Variants in PI4KA observed in about 807,000 individuals in gnomAD.
The protein encoded by PI4KA is phosphatidylinositol 4-kinase alpha.
In PI4KA, 122 loss-of-function variants were observed where a neutral mutation model predicts 271.4. The ratio of observed to expected loss-of-function variants is 0.45; its 90% CI spans 0.39 to 0.52. The LOEUF (loss-of-function observed/expected upper bound fraction) is 0.52, where lower values mean the gene tolerates loss of function less well. Ranked by LOEUF, PI4KA falls within the 20% of genes least tolerant of loss-of-function variation. The pLI, the probability that PI4KA is intolerant of heterozygous loss-of-function variation, is 0.00. For synonymous variants in PI4KA, 1,041 were observed against 1,078.8 expected (o/e 0.96, Z 0.69); for missense variants, 1,969 against 2,769.1 (o/e 0.71, Z 6.48).
intron 9 of PI4KA, among the ~76,000 whole-genome samples, chr22:20,807,723 T>A (rs1436030472): frequency 6.6e-6 from 1 of 152,134 alleles, no homozygotes; most frequent in Non-Finnish European, 1.5e-5. Flanking sequence ...CTCCTTGCTG[T>A]GGCTGAAGCT....
intron 37 of PI4KA, 72 bp from the exon 38 acceptor site, chr22:20,729,783 G>A (rs1927796112): frequency 2.5e-6 from 4 of 1,580,834 alleles, no homozygotes; most frequent in South Asian, 2.3e-5. Context: ...TAAACCTAGA[G>A]GAAGCTTGCA....
At chr22:20,829,595 T>G (rs1045757552) in intron 3 of PI4KA, among the ~76,000 whole-genome samples, 2 of 150,446 alleles carry the variant, frequency 1.3e-5, no homozygotes, top group Non-Finnish European at 3.0e-5. Context: ...TTTTTTTTTA[T>G]TCAAAAAACC....
intron 17 of PI4KA, 62 bp from the exon 18 acceptor site, chr22:20,796,376 C>T (rs1389924620): frequency 1.3e-6 from 2 of 1,508,602 alleles, no homozygotes; most frequent in Non-Finnish European, 1.8e-6. Context: ...CAAGGGACGG[C>T]ACTGCAGGGG....
chr22:20,809,375 A>C (rs1467206325), intron 9 of PI4KA, among the ~76,000 whole-genome samples: 1 of 152,186 alleles, frequency 6.6e-6, no homozygotes, highest in African/African-American at 2.4e-5. Flanking sequence ...TGGTTATTAC[A>C]CTGATTATGG....
In PI4KA at chr22:20,765,579, C is replaced by T. The variant is rs200009013; in HGVS notation, c.2437+6G>A. 6 of 1,569,410 alleles carry T rather than the reference C, an allele frequency of 3.8e-6. No individual in the cohort carries two copies. In the East Asian group the frequency reaches 1.4e-4, roughly 36 times the overall value. ...GTCTTCACTGGGAGAGAGATGATCC[C>T]CCTACCTGAGCCCTCCACAGCGAAT... On this transcript the variant is annotated splice_donor_region_variant and intron_variant, in intron 20 of 54. Transcript: ENST00000255882.
At chr22:20,811,332 C>T (rs983243029) in intron 8 of PI4KA, among the ~76,000 whole-genome samples, 1 of 152,142 alleles carries the variant, frequency 6.6e-6, no homozygotes, top group African/African-American at 2.4e-5. Flanking sequence ...AGACCTCAGG[C>T]CTTGCTGCCA....
intron 28 of PI4KA, among the ~76,000 whole-genome samples, chr22:20,748,126 C>T (rs1930307302): frequency 6.6e-6 from 1 of 152,182 alleles, no homozygotes; most frequent in East Asian, 1.9e-4. Flanking sequence ...TGGGTCTGCC[C>T]CTCCCTAACT....
intron 42 of PI4KA, among the ~76,000 whole-genome samples, chr22:20,722,775 G>T (rs1926893446): frequency 6.6e-6 from 1 of 152,158 alleles, no homozygotes; most frequent in African/African-American, 2.4e-5. Context: ...GGACATTTTT[G>T]ACCTGGGTGA....
chr22:20,763,844 G>A (rs745496889), intron 22 of PI4KA, among the ~76,000 whole-genome samples: 7 of 152,192 alleles, frequency 4.6e-5, no homozygotes, highest in Non-Finnish European at 7.3e-5. Flanking sequence ...GGCTGTGTGT[G>A]GAGCCCCGGG....
chr22:20,839,077 C>T (rs5752086), intron 1 of PI4KA, among the ~76,000 whole-genome samples: 10,580 of 152,156 alleles, frequency 0.07, 356 homozygotes, highest in East Asian at 0.079. Flanking sequence ...ATTAGCCAGG[C>T]GTGGTGGCGC....
Position 20,811,040 on chromosome 22 carries a change from G to T in PI4KA, c.1006-8C>A. The T allele has an allele frequency of 6.2e-7, 1 of 1,609,482 alleles. No homozygotes were observed. Among genetic ancestry groups the T allele is most frequent in the South Asian group, 1.1e-5 (1 of 90,958 alleles). ...CTCAACGATCTTCTTCACCTACCAA[G>T]GAAACAGAACCTCATGAAGCAACTG... On this transcript the variant is annotated splice_region_variant and splice_polypyrimidine_tract_variant and intron_variant, in intron 8 of 54. Transcript: ENST00000255882.
At chr22:20,731,800 G>C (rs971086509) in intron 36 of PI4KA, among the ~76,000 whole-genome samples, 9 of 152,060 alleles carry the variant, frequency 5.9e-5, no homozygotes, top group Non-Finnish European at 1.2e-4. Context: ...GTGGTAGCGA[G>C]CGCCTGTAGT....
At chr22:20,749,684 G>A (rs1031718316) in intron 28 of PI4KA, among the ~76,000 whole-genome samples, 3 of 152,240 alleles carry the variant, frequency 2.0e-5, no homozygotes, top group Non-Finnish European at 2.9e-5. Flanking sequence ...GGTGTGAGCC[G>A]TCAGATGCCC....
chr22:20,796,105 T>C (rs745593312), intron 18 of PI4KA, 41 bp downstream of exon 18: 28 of 1,578,308 alleles, frequency 1.8e-5, no homozygotes, highest in Non-Finnish European at 2.3e-5. Flanking sequence ...CCAGCAGGGA[T>C]AGGACACTGA....
chr22:20,709,847 G>A (rs1925017188), intron 53 of PI4KA, 61 bp downstream of exon 53: 1 of 923,612 alleles, frequency 1.1e-6, no homozygotes, highest in African/African-American at 1.7e-5. Flanking sequence ...TATCTTGGAT[G>A]GAGCCTCAGC....
Position 20,784,234 on chromosome 22 carries a change from C to G in PI4KA, c.2328+8959G>C, listed in dbSNP as rs937181724. ...GGGTGGTGGAGAGATGGCAAAAAAGCATGACAAACAGGTATTTCACACTGT... is the reference window on the plus strand; with the variant it reads ...GGGTGGTGGAGAGATGGCAAAAAAGGATGACAAACAGGTATTTCACACTGT... On this transcript the variant is annotated intron_variant, in intron 19 of 54. Coordinates refer to ENST00000255882, the MANE Select transcript of PI4KA (RefSeq NM_058004.4). The G allele has an allele frequency of 1.9e-6, 3 of 1,614,010 alleles. No individual in the cohort carries two copies. The highest frequency in any genetic ancestry group is 3.3e-5 in the Admixed American group (2 of 59,992).
chr22:20,853,482 G>A (rs1162731589), intron 1 of PI4KA, among the ~76,000 whole-genome samples: 1 of 152,194 alleles, frequency 6.6e-6, no homozygotes, highest in Non-Finnish European at 1.5e-5. Flanking sequence ...GAAGCCAACT[G>A]TATATGGAGA....
At position 20,786,817 on chromosome 22, in the gene PI4KA, G is replaced by A. The variant is rs575183180; in HGVS notation, c.2328+6376C>T. ...CCTGAATGATATGAGATTGTGCTGG[G>A]AACTCTAGCCCTCTGTGTGCTGACC... On this transcript the variant is annotated intron_variant, in intron 19 of 54. Transcript: ENST00000255882. 5.9e-6 allele frequency: 9 copies of A among 1,514,142 alleles called. No individual in the cohort carries two copies. In the Admixed American group the frequency reaches 1.0e-4, roughly 17 times the overall value. 93.8% of individuals were successfully genotyped at this position (1,514,142 alleles called of 1,614,324 possible).
At chr22:20,814,743 T>C (rs1199090796) in intron 7 of PI4KA, among the ~76,000 whole-genome samples, 1 of 150,732 alleles carries the variant, frequency 6.6e-6, no homozygotes, top group African/African-American at 2.4e-5. Context: ...AGTAAAATCC[T>C]GTATTAAAAA....
Sources: gnomAD v4.1 joint callset for allele counts (sites outside exome capture counted in the v4.1 genomes callset) on GRCh38, gnomAD v4.1.1 for gene constraint, MANE v1.5 for transcripts, NCBI Gene and HGNC (gene_info 2026-07-23, HGNC 2026-07-21) for gene names.